Variants in RAP2A observed in about 807,000 individuals in gnomAD.
The protein encoded by RAP2A is RAP2A, member of RAS oncogene family, also known as ras-related protein Rap-2a.
Under a neutral mutation model 15.1 loss-of-function variants are expected in RAP2A, and 5 were observed. That is an observed-to-expected ratio of 0.33 (90% CI 0.17 to 0.70). The LOEUF (loss-of-function observed/expected upper bound fraction) is 0.70, where lower values mean the gene tolerates loss of function less well. Among genes scored for constraint, RAP2A ranks in the 30% least tolerant of loss-of-function variants. The pLI is 0.68. For missense variants in RAP2A, 111 were observed against 240.3 expected, an observed-to-expected ratio of 0.46 and a Z score of 3.56; for synonymous variants, 110 against 99.7, an observed-to-expected ratio of 1.10 and a Z score of -0.62.
intron 1 of RAP2A, among the ~76,000 whole-genome samples, chr13:97,463,110 A>G (rs1357744264): frequency 1.4e-5 from 2 of 138,742 alleles, no homozygotes; most frequent in Non-Finnish European, 1.7e-5. Context: ...GGGAAGACAC[A>G]CACACACAAA....
intron 1 of RAP2A, among the ~76,000 whole-genome samples, chr13:97,454,902 G>C (rs984472812): frequency 4.6e-5 from 7 of 151,026 alleles, no homozygotes; most frequent in African/African-American, 1.7e-4. Context: ...GTGTTGACAG[G>C]GTTTTTTGTT....
chr13:97,456,149 C>A (rs1473401918), intron 1 of RAP2A, among the ~76,000 whole-genome samples: 2 of 144,220 alleles, frequency 1.4e-5, no homozygotes, highest in Non-Finnish European at 3.1e-5. Flanking sequence ...GGTTTTCAGC[C>A]CACACACATA....
At chr13:97,457,141 C>T (rs9584580) in intron 1 of RAP2A, among the ~76,000 whole-genome samples, 5,960 of 152,054 alleles carry the variant, frequency 0.039, 180 homozygotes, top group African/African-American at 0.082. Context: ...TTCACTGAAA[C>T]TTTGTGTGTG....
At chr13:97,460,008 T>C (rs2153180330) in intron 1 of RAP2A, among the ~76,000 whole-genome samples, 1 of 152,354 alleles carries the variant, frequency 6.6e-6, no homozygotes, top group Admixed American at 6.5e-5. Flanking sequence ...CAGTTTTCAG[T>C]ATAGCCTTCA....
In RAP2A at chr13:97,457,247, G is replaced by T. The variant is rs747021220; in HGVS notation, c.315-6958G>T. On this transcript the variant is annotated intron_variant, in intron 1 of 1. Coordinates refer to ENST00000245304, the MANE Select transcript of RAP2A (RefSeq NM_021033.7). ...AGATTATAGGTATAAACACGTGAGA[G>T]ATATATATATATACATATATATATA... 2.2e-4 allele frequency among the ~76,000 whole-genome samples: 33 copies of T among 150,570 alleles called. 1 individual carries two copies. Among genetic ancestry groups the T allele is most frequent in the African/African-American group, 3.7e-4 (15 of 41,082 alleles).
intron 1 of RAP2A, among the ~76,000 whole-genome samples, chr13:97,438,822 C>T (rs2066644861): frequency 6.6e-6 from 1 of 152,140 alleles, no homozygotes; most frequent in South Asian, 2.1e-4. Context: ...GACACAGCTC[C>T]TACTAGCACA....
rs2066760158 is a variant in RAP2A at position 97,464,243 on chromosome 13, T to C, written c.353T>C (p.Val118Ala). Residue 118 changes from valine to alanine, a missense_variant, in exon 2 of 2, where the codon GTG becomes GCG. Val to Ala is a moderately conservative substitution (Grantham distance 64). Coordinates refer to ENST00000245304, the MANE Select transcript of RAP2A (RefSeq NM_021033.7). The stretch of plus-strand genomic sequence containing the variant: ...CCAGTCATCTTGGTTGGGAACAAAG[T>C]GGACCTGGAAAGTGAGAGAGAAGTA... ...KVPVILVGNK[V>A]DLESEREVSS... is the part of the protein sequence containing the mutation. 1.2e-6 allele frequency: 2 copies of C among 1,614,078 alleles called. No homozygotes were observed. Among genetic ancestry groups the C allele is most frequent in the Non-Finnish European group, 1.7e-6 (2 of 1,180,040 alleles).
chr13:97,460,804 A>C (rs1047097700), intron 1 of RAP2A, among the ~76,000 whole-genome samples: 1 of 152,120 alleles, frequency 6.6e-6, no homozygotes, highest in African/African-American at 2.4e-5. Flanking sequence ...CTAGGCCCCC[A>C]TCACCATGGA....
At chr13:97,446,284 T>G (rs1043931599) in intron 1 of RAP2A, among the ~76,000 whole-genome samples, 1 of 152,182 alleles carries the variant, frequency 6.6e-6, no homozygotes, top group African/African-American at 2.4e-5. Flanking sequence ...TTTTAAATCA[T>G]GACAATTCAA....
intron 1 of RAP2A, chr13:97,441,794 T>C (rs757655815): frequency 2.2e-6 from 1 of 447,700 alleles, no homozygotes; most frequent in South Asian, 1.6e-5. Flanking sequence ...GAGTTTTAAG[T>C]ACTCTAAGTT....
At chr13:97,446,108 T>C (rs1449689248) in intron 1 of RAP2A, among the ~76,000 whole-genome samples, 1 of 152,170 alleles carries the variant, frequency 6.6e-6, no homozygotes, top group African/African-American at 2.4e-5. Context: ...ATCTATTCCC[T>C]TTTCTCCAAA....
chr13:97,450,824 G>A (rs1385189233), intron 1 of RAP2A, among the ~76,000 whole-genome samples: 1 of 152,130 alleles, frequency 6.6e-6, no homozygotes, highest in African/African-American at 2.4e-5. Context: ...CAGATTAAAT[G>A]TAGTTTTATT....
Position 97,464,220 on chromosome 13 carries a change from A to C in RAP2A, c.330A>C (p.Pro110=), listed in dbSNP as rs1355362343. ...TCTCTCATAGGTATGAGAAAGTGCC[A>C]GTCATCTTGGTTGGGAACAAAGTGG... The part of the protein sequence containing the change: ...IIRVKRYEKV[P]VILVGNKVDL... The change falls in exon 2 of 2, where the codon CCA becomes CCC. Residue 110 remains proline (P), a synonymous_variant. Transcript: ENST00000245304. 2 of 1,614,216 alleles carry C rather than the reference A, an allele frequency of 1.2e-6. No individual in the cohort carries two copies. The highest frequency in any genetic ancestry group is 1.7e-6 in the Non-Finnish European group (2 of 1,180,024).
rs1242529149 is a variant in RAP2A at position 97,461,988 on chromosome 13, A to ATATT, written c.315-2216_315-2215insATTT. Among the ~76,000 whole-genome samples, 22 of 144,210 alleles carry ATATT rather than the reference A, an allele frequency of 1.5e-4. No individual in the cohort carries two copies. In the South Asian group the frequency reaches 1.7e-3, roughly 11 times the overall value. 94.6% of individuals were successfully genotyped at this position (144,210 alleles called of 152,430 possible). ...AAAAAAAAAATATATATATATATAT[A>ATATT]TTTATATATTTATATTTATATATTT... On this transcript the variant is annotated intron_variant, in intron 1 of 1. Transcript: ENST00000245304.
chr13:97,461,411 T>C (rs2066745471), intron 1 of RAP2A, among the ~76,000 whole-genome samples: 2 of 152,218 alleles, frequency 1.3e-5, no homozygotes, highest in Admixed American at 6.5e-5. Flanking sequence ...GTTAGTGATA[T>C]AATAAACAGG....
In RAP2A at chr13:97,468,038, A is replaced by G. The variant is rs1198732448; in HGVS notation, c.*3596A>G. The G allele has an allele frequency of 6.6e-6, 1 of 152,224 alleles. No homozygotes were observed. The highest frequency in any genetic ancestry group is 1.9e-4 in the East Asian group (1 of 5,196). The allele number at this position is 152,224 out of a possible 1,614,324, so 9.4% of individuals were successfully genotyped here. On this transcript the variant is annotated 3_prime_UTR_variant, in exon 2 of 2. Transcript: ENST00000245304. ...TACATGCTCATGAGAGAAATGTATTATATACAAAAACAATTAAAAATTGCC... is the reference window on the plus strand; with the variant it reads ...TACATGCTCATGAGAGAAATGTATTGTATACAAAAACAATTAAAAATTGCC...
chr13:97,452,709 A>G (rs2066707786), intron 1 of RAP2A, among the ~76,000 whole-genome samples: 1 of 151,148 alleles, frequency 6.6e-6, no homozygotes, highest in African/African-American at 2.4e-5. Context: ...GGGATTGCAT[A>G]GAATCCATAA....
chr13:97,459,982 T>C lies in RAP2A; in HGVS notation c.315-4223T>C, dbSNP rs7997079. 8.2e-3 allele frequency among the ~76,000 whole-genome samples: 1,252 copies of C among 152,336 alleles called. 11 individuals are homozygous for C. Among genetic ancestry groups the C allele is most frequent in the African/African-American group, 0.026 (1,101 of 41,568 alleles). ...TTGTTCGATTGTTCATTACTAGCTA[T>C]TTATGCCACATCAGGCAGTTTTCAG... is the stretch of plus-strand genomic sequence containing the variant. On this transcript the variant is annotated intron_variant, in intron 1 of 1. Coordinates refer to ENST00000245304, the MANE Select transcript of RAP2A (RefSeq NM_021033.7).
intron 1 of RAP2A, among the ~76,000 whole-genome samples, chr13:97,439,364 G>A (rs1566471193): frequency 1.3e-5 from 2 of 152,288 alleles, no homozygotes; most frequent in East Asian, 1.9e-4. Context: ...CAGTTTTTAC[G>A]TGAAGTGTGA....
Sources: allele counts gnomAD v4.1 joint callset (sites outside exome capture counted in the v4.1 genomes callset), GRCh38; gene constraint gnomAD v4.1.1; transcripts MANE v1.5; gene names NCBI Gene and HGNC (gene_info 2026-07-23, HGNC 2026-07-21).